Variants in SLC25A17 observed in about 807,000 individuals in gnomAD.
The protein encoded by SLC25A17 is solute carrier family 25 member 17, also known as peroxisomal membrane protein PMP34.
A neutral mutation model predicts 38.5 loss-of-function variants in SLC25A17; 26 were observed. The ratio of observed to expected loss-of-function variants is 0.68; its 90% CI spans 0.50 to 0.94. SLC25A17 has a LOEUF of 0.94. Among genes scored for constraint, SLC25A17 ranks in the 40% least tolerant of loss-of-function variants. The probability of loss-of-function intolerance (pLI) is 0.00; values close to 1 mark genes in which losing one functional copy is unlikely to be tolerated. For missense variants in SLC25A17, 333 were observed against 372.7 expected, an observed-to-expected ratio of 0.89 and a Z score of 0.88; for synonymous variants, 139 against 136.2, an observed-to-expected ratio of 1.02 and a Z score of -0.14.
chr22:40,806,091 C>G (rs2057527406), intron 1 of SLC25A17, among the ~76,000 whole-genome samples: 2 of 152,162 alleles, frequency 1.3e-5, no homozygotes, highest in South Asian at 4.1e-4. Context: ...ATTCTGTGCC[C>G]AGAAAGCTAA....
rs10527651 is a variant in SLC25A17, at chr22:40,814,754, AATATATAT to A, written c.54+4433_54+4440del. On this transcript the variant is annotated intron_variant, in intron 1 of 8. Transcript: ENST00000435456. The stretch of plus-strand genomic sequence containing the variant: ...GGATGAGGAAAGGCAGTACGTGCAG[AATATATAT>A]ATATATATATATATATATATATATA... Among the ~76,000 whole-genome samples, 938 of 135,190 alleles carry A rather than the reference AATATATAT, an allele frequency of 6.9e-3. 13 individuals carry two copies. Among genetic ancestry groups the A allele is most frequent in the African/African-American group, 0.022 (815 of 36,700 alleles). The allele number at this position is 135,190 out of a possible 152,430, so 88.7% of individuals were successfully genotyped here.
intron 1 of SLC25A17, among the ~76,000 whole-genome samples, chr22:40,803,574 C>T (rs1226813893): frequency 6.6e-6 from 1 of 152,046 alleles, no homozygotes; most frequent in East Asian, 1.9e-4. Context: ...ATTGATTCCA[C>T]ATTTTTTCTA....
At chr22:40,776,796 G>A (rs985785695) in intron 7 of SLC25A17, among the ~76,000 whole-genome samples, 2 of 152,094 alleles carry the variant, frequency 1.3e-5, no homozygotes, top group African/African-American at 4.8e-5. Context: ...TTGGGCAGCT[G>A]AGGCAGGAGG....
chr22:40,803,218 C>T (rs974915950), intron 1 of SLC25A17, among the ~76,000 whole-genome samples: 1 of 152,106 alleles, frequency 6.6e-6, no homozygotes, highest in Non-Finnish European at 1.5e-5. Context: ...CTCAGATTCC[C>T]GAGTAGCTGG....
intron 2 of SLC25A17, among the ~76,000 whole-genome samples, chr22:40,797,598 G>C (rs1406704235): frequency 1.3e-5 from 2 of 152,180 alleles, no homozygotes; most frequent in Non-Finnish European, 2.9e-5. Flanking sequence ...TCTTAGATTA[G>C]AAAATGGCTA....
At position 40,770,752 on chromosome 22, in the gene SLC25A17, G is replaced by A. The variant is rs2057173093; in HGVS notation, c.*82C>T. 2 of 1,418,902 alleles carry A rather than the reference G, an allele frequency of 1.4e-6. No homozygotes were observed. The highest frequency in any genetic ancestry group is 2.8e-5 in the African/African-American group (2 of 70,196). The allele number at this position is 1,418,902 out of a possible 1,614,324, so 87.9% of individuals were successfully genotyped here. ...GTAACATTTGTGGTGGCAGGAGCCA[G>A]AGTCAAGGGAGAATCACTTCTCTTC... On this transcript the variant is annotated 3_prime_UTR_variant, in exon 9 of 9. Transcript: ENST00000435456.
In SLC25A17 at chr22:40,779,040, G is replaced by C. The variant is rs1445801689; in HGVS notation, c.420C>G (p.Asp140Glu). The C allele has an allele frequency of 6.2e-7, 1 of 1,613,990 alleles. No individual in the cohort carries two copies. The highest frequency in any genetic ancestry group is 1.3e-5 in the African/African-American group (1 of 74,922). ...TACCTTTGTAGTTTGTTGGTACAATGTCTTCATTCCTAAATTTTGCTCCTT... is the reference window on the plus strand; with the variant it reads ...TACCTTTGTAGTTTGTTGGTACAATCTCTTCATTCCTAAATTTTGCTCCTT... ...KLQGAKFRNE[D>E]IVPTNYKGII... Residue 140 changes from aspartate (D) to glutamate (E), a missense_variant, in exon 5 of 9, where the codon GAC becomes GAG. By Grantham distance (45) the Asp-to-Glu change is conservative (BLOSUM62 2). Coordinates refer to ENST00000435456, the MANE Select transcript of SLC25A17 (RefSeq NM_006358.4).
At chr22:40,771,436 T>A (rs2145638531) in intron 8 of SLC25A17, among the ~76,000 whole-genome samples, 1 of 152,278 alleles carries the variant, frequency 6.6e-6, no homozygotes, top group South Asian at 2.1e-4. Context: ...ACAAATAATG[T>A]CTTAAATTTG....
At chr22:40,775,436 GTTTTTTTTTTTT>G (rs71200615) in intron 7 of SLC25A17, among the ~76,000 whole-genome samples, 32 of 86,842 alleles carry the variant, frequency 3.7e-4, no homozygotes, top group South Asian at 2.0e-3. Flanking sequence ...AGATCTGATG[GTTTTTTTTTTTT>G]TTTTTTTTTT....
intron 4 of SLC25A17, among the ~76,000 whole-genome samples, chr22:40,788,435 A>C (rs138299): frequency 0.65 from 99,316 of 152,052 alleles, 32,885 homozygotes; most frequent in Admixed American, 0.74. Context: ...GCTCATGCCT[A>C]TAATCCCAGC....
At chr22:40,801,668 C>G (rs905327981) in intron 1 of SLC25A17, among the ~76,000 whole-genome samples, 4 of 152,190 alleles carry the variant, frequency 2.6e-5, no homozygotes, top group Admixed American at 2.0e-4. Flanking sequence ...TCCATGCATC[C>G]AGCATCCTTG....
intron 7 of SLC25A17, among the ~76,000 whole-genome samples, chr22:40,775,492 TG>T (rs2057233526): frequency 7.3e-6 from 1 of 136,534 alleles, no homozygotes; most frequent in African/African-American, 2.7e-5. Context: ...AGTCTCGCTC[TG>T]TCGCCCAGGC....
Position 40,777,114 on chromosome 22 carries a change from T to C in SLC25A17, c.619A>G (p.Ile207Val), listed in dbSNP as rs137901231. 1,603 of 1,614,110 alleles carry C rather than the reference T, an allele frequency of 9.9e-4. 3 individuals are homozygous for C. Among genetic ancestry groups the C allele is most frequent in the Middle Eastern group, 3.0e-3 (18 of 6,062 alleles). ...RMKLSSLDVF[I>V]IGAVAKAIAT... is the part of the protein sequence containing the mutation. ...ATCGCTTTGGCTACTGCACCAATGA[T>C]GAACACATCCAAGGAAGAAAGCTGG... Residue 207 changes from isoleucine (I) to valine (V), a missense_variant, in exon 7 of 9, where the codon ATC becomes GTC. Transcript: ENST00000435456.
intron 7 of SLC25A17, among the ~76,000 whole-genome samples, chr22:40,774,444 G>A (rs984487042): frequency 1.3e-5 from 2 of 152,124 alleles, no homozygotes; most frequent in African/African-American, 4.8e-5. Context: ...GGCTGGTCTC[G>A]AATTCCTGAC....
At position 40,786,390 on chromosome 22, in the gene SLC25A17, G is replaced by A. The variant is rs569331765; in HGVS notation, c.334+6135C>T. Among the ~76,000 whole-genome samples, 4 of 152,150 alleles carry A rather than the reference G, an allele frequency of 2.6e-5. No individual in the cohort carries two copies. In the South Asian group the frequency reaches 6.2e-4, roughly 24 times the overall value. On this transcript the variant is annotated intron_variant, in intron 4 of 8. Coordinates refer to ENST00000435456, the MANE Select transcript of SLC25A17 (RefSeq NM_006358.4). ...TGGTGGCTGGGACTGAGGTGGTGGT[G>A]GAGAGGAAAGTACGGTTACTTCGCA...
chr22:40,782,409 A>G (rs5995945), intron 4 of SLC25A17, among the ~76,000 whole-genome samples: 8 of 152,338 alleles, frequency 5.3e-5, no homozygotes, highest in African/African-American at 1.9e-4. Flanking sequence ...ATCATTTACA[A>G]GAAAGAATAA....
At chr22:40,771,769 T>C (rs1426584290) in intron 8 of SLC25A17, among the ~76,000 whole-genome samples, 1 of 152,050 alleles carries the variant, frequency 6.6e-6, no homozygotes, top group Non-Finnish European at 1.5e-5. Flanking sequence ...AATAGATAGT[T>C]TGAATAAGAC....
intron 4 of SLC25A17, among the ~76,000 whole-genome samples, chr22:40,790,940 T>G (rs1315711018): frequency 6.6e-6 from 1 of 152,188 alleles, no homozygotes; most frequent in African/African-American, 2.4e-5. Context: ...GTACAGGAAC[T>G]ATTCTAATTT....
intron 1 of SLC25A17, among the ~76,000 whole-genome samples, chr22:40,818,913 A>G (rs1014674281): frequency 6.6e-6 from 1 of 151,834 alleles, no homozygotes; most frequent in African/African-American, 2.4e-5. Flanking sequence ...CTGACCTTAA[A>G]CTTCCCACGG....
Sources: gnomAD v4.1 joint callset for allele counts (sites outside exome capture counted in the v4.1 genomes callset) on GRCh38, gnomAD v4.1.1 for gene constraint, MANE v1.5 for transcripts, NCBI Gene and HGNC (gene_info 2026-07-23, HGNC 2026-07-21) for gene names.